The following ARMC3 variants were observed in gnomAD, a reference collection of about 807,000 sequenced individuals.
The protein encoded by ARMC3 is armadillo repeat-containing protein 3.
A neutral mutation model predicts 90.3 loss-of-function variants in ARMC3; 74 were observed. The observed-to-expected ratio is 0.82, with a 90% confidence interval of 0.68 to 0.99. The LOEUF is 0.99. Ranked by LOEUF, ARMC3 falls within the 50% of genes least tolerant of loss-of-function variation. ARMC3 has a pLI of 0.00. For missense variants in ARMC3, 958 were observed against 1,042.8 expected (o/e 0.92, Z 1.12); for synonymous variants, 334 against 361.8 (o/e 0.92, Z 0.87).
chr10:22,963,887 T>TCA (rs1218675914), intron 7 of ARMC3, among the ~76,000 whole-genome samples: 113 of 33,852 alleles, frequency 3.3e-3, no homozygotes, highest in East Asian at 7.8e-3. Flanking sequence ...AGACTCTGTC[T>TCA]CACACACACA....
chr10:22,956,357 T>C (rs1319884876), intron 4 of ARMC3, among the ~76,000 whole-genome samples: 1 of 152,144 alleles, frequency 6.6e-6, no homozygotes, highest in African/African-American at 2.4e-5. Flanking sequence ...TAAATTTAAA[T>C]GTGCGTTTAC....
At chr10:22,963,168 G>A (rs1835275838) in intron 7 of ARMC3, among the ~76,000 whole-genome samples, 1 of 152,100 alleles carries the variant, frequency 6.6e-6, no homozygotes, top group Non-Finnish European at 1.5e-5. Flanking sequence ...CTAGGTGGCA[G>A]GCATTGTGAT....
chr10:23,035,407 A>G (rs1839091267), intron 18 of ARMC3, among the ~76,000 whole-genome samples: 1 of 152,160 alleles, frequency 6.6e-6, no homozygotes, highest in Non-Finnish European at 1.5e-5. Context: ...TATGCCAAAC[A>G]GAATTACCCT....
intron 16 of ARMC3, among the ~76,000 whole-genome samples, chr10:23,025,715 C>A (rs1203497873): frequency 1.3e-5 from 2 of 151,788 alleles, no homozygotes; most frequent in African/African-American, 2.4e-5. Context: ...ACACTCCCAA[C>A]ACAAACAGAA....
chr10:22,987,946 C>T (rs1457609751), intron 10 of ARMC3, among the ~76,000 whole-genome samples: 1 of 152,202 alleles, frequency 6.6e-6, no homozygotes, highest in Non-Finnish European at 1.5e-5. Context: ...TCCCCAGAAA[C>T]TGTCTTGCTG....
intron 13 of ARMC3, among the ~76,000 whole-genome samples, chr10:23,006,135 G>A (rs185781496): frequency 2.3e-4 from 35 of 152,302 alleles, no homozygotes; most frequent in Admixed American, 2.2e-3. Flanking sequence ...ATCAAGCAGT[G>A]CAAGAGCCGT....
intron 3 of ARMC3, among the ~76,000 whole-genome samples, chr10:22,950,938 CTTT>C (rs1192107878): frequency 4.4e-5 from 6 of 137,040 alleles, no homozygotes; most frequent in Admixed American, 2.2e-4. Flanking sequence ...TGTGAAAAAT[CTTT>C]TTTTTTTTTT....
At chr10:22,969,070 G>A (rs924707263) in intron 8 of ARMC3, among the ~76,000 whole-genome samples, 2 of 152,094 alleles carry the variant, frequency 1.3e-5, no homozygotes, top group Admixed American at 6.6e-5. Flanking sequence ...TATATAGAAG[G>A]TATGCATTGT....
rs1430013622 is a variant in ARMC3, at chr10:22,981,389, A to C, written c.966A>C (p.Val322=). Residue 322 remains valine (V), a synonymous_variant, in exon 9 of 19, where the codon GTA becomes GTC. Coordinates refer to ENST00000298032, the MANE Select transcript of ARMC3 (RefSeq NM_173081.5). ...FHEQEVEKCL[V]ALLGSENDGT... is the part of the protein sequence containing the mutation. Reference sequence around the variant, plus strand: ...AACAAGAGGTTGAAAAGTGCCTTGTAGCCCTTTTGGGTTCTGAAAATGATG... The same window carrying C: ...AACAAGAGGTTGAAAAGTGCCTTGTCGCCCTTTTGGGTTCTGAAAATGATG... 2 of 1,613,816 alleles carry C rather than the reference A, an allele frequency of 1.2e-6. No individual in the cohort carries two copies. The highest frequency in any genetic ancestry group is 2.2e-5 in the East Asian group (1 of 44,868).
At chr10:23,014,384 G>A (rs1838171090) in intron 16 of ARMC3, 1 of 1,222,062 alleles carries the variant, frequency 8.2e-7, no homozygotes, top group African/African-American at 1.5e-5. Context: ...CCATAGCCCT[G>A]TTGTCCTGTT....
chr10:23,034,578 A>G lies in ARMC3; in HGVS notation c.2409+1555A>G, dbSNP rs528132532. The stretch of plus-strand genomic sequence containing the variant: ...GCTTCTACCCATATAGATAATTCCC[A>G]TTCCTGGTCAAAATTCTGAGTCATC... On this transcript the variant is annotated intron_variant, in intron 18 of 18. Transcript: ENST00000298032. Among the ~76,000 whole-genome samples the G allele has an allele frequency of 2.0e-5, 3 of 152,274 alleles. No homozygotes were observed. In the East Asian group the frequency reaches 5.8e-4, roughly 29 times the overall value.
chr10:22,951,465 A>AT lies in ARMC3; in HGVS notation c.167-4333dup, dbSNP rs35512801. 5.9e-4 allele frequency among the ~76,000 whole-genome samples: 90 copies of AT among 151,394 alleles called. 1 individual carries two copies. In the Middle Eastern group the frequency reaches 0.014, roughly 23 times the overall value. ...ACACTTTAAGAGCAGTAGAGTATAC[A>AT]TTTTTTTTTCAAGTGGATACAGAAC... is the stretch of plus-strand genomic sequence containing the variant. On this transcript the variant is annotated intron_variant, in intron 3 of 18. Transcript: ENST00000298032.
intron 6 of ARMC3, 47 bp from the exon 7 acceptor site, chr10:22,961,837 A>T (rs749339956): frequency 7.0e-7 from 1 of 1,423,440 alleles, no homozygotes; most frequent in Non-Finnish European, 9.5e-7. Flanking sequence ...ATTCTTGAGG[A>T]TGTATTTTGC....
At chr10:22,991,467 G>T (rs1423748695) in intron 10 of ARMC3, among the ~76,000 whole-genome samples, 1 of 151,518 alleles carries the variant, frequency 6.6e-6, no homozygotes, top group Non-Finnish European at 1.5e-5. Flanking sequence ...TTTTGTTTTA[G>T]GTTTTTTTTT....
intron 16 of ARMC3, among the ~76,000 whole-genome samples, chr10:23,030,059 A>G (rs66482823): frequency 0.067 from 10,274 of 152,270 alleles, 382 homozygotes; most frequent in South Asian, 0.094. Context: ...TTGCTAGGCA[A>G]TTGTGCAGAA....
chr10:23,033,296 G>A (rs548691727), intron 18 of ARMC3, among the ~76,000 whole-genome samples: 9 of 152,070 alleles, frequency 5.9e-5, no homozygotes, highest in South Asian at 2.1e-4. Context: ...CTACTATGGC[G>A]AGGGCCTCTG....
At chr10:22,978,427 G>A (rs1836033374) in intron 8 of ARMC3, among the ~76,000 whole-genome samples, 1 of 152,164 alleles carries the variant, frequency 6.6e-6, no homozygotes, top group Non-Finnish European at 1.5e-5. Context: ...AACAGGATCA[G>A]GGAAACTGGC....
chr10:22,961,734 T>A (rs531457076), intron 6 of ARMC3, 150 bp from the exon 7 acceptor site: 1 of 627,092 alleles, frequency 1.6e-6, no homozygotes, highest in Non-Finnish European at 2.7e-6. Context: ...ATTGAAAGAT[T>A]TCTTATTTTT....
intron 13 of ARMC3, among the ~76,000 whole-genome samples, chr10:23,005,847 G>C (rs1341733037): frequency 6.6e-6 from 1 of 151,864 alleles, no homozygotes; most frequent in Non-Finnish European, 1.5e-5. Flanking sequence ...CTGGGCAACA[G>C]AGCTAGACTC....
Sources: gnomAD v4.1 joint callset for allele counts (sites outside exome capture counted in the v4.1 genomes callset) on GRCh38, gnomAD v4.1.1 for gene constraint, MANE v1.5 for transcripts, NCBI Gene and HGNC (gene_info 2026-07-23, HGNC 2026-07-21) for gene names.